Variants in CMSS1 observed in about 807,000 individuals in gnomAD.
CMSS1 encodes cms1 ribosomal small subunit homolog, also known as protein CMSS1.
CMSS1 carries 33 observed loss-of-function variants against 43.5 expected under a neutral mutation model. The observed-to-expected ratio is 0.76, with a 90% CI of 0.57 to 1.01. CMSS1 has a LOEUF of 1.01. Among genes scored for constraint, CMSS1 ranks in the 50% least tolerant of loss-of-function variants. The pLI is 0.00. For synonymous variants in CMSS1, 115 were observed against 117.2 expected, an observed-to-expected ratio of 0.98 and a Z score of 0.12; for missense variants, 313 against 326.4, an observed-to-expected ratio of 0.96 and a Z score of 0.32.
intron 1 of CMSS1, among the ~76,000 whole-genome samples, chr3:99,981,695 G>A (rs886616098): frequency 3.3e-5 from 5 of 152,160 alleles, no homozygotes; most frequent in African/African-American, 1.2e-4. Flanking sequence ...AAAAAAATTG[G>A]TTGGAATTAG....
At chr3:100,123,201 T>G (rs1221594205) in intron 1 of CMSS1, among the ~76,000 whole-genome samples, 2 of 152,152 alleles carry the variant, frequency 1.3e-5, no homozygotes, top group Non-Finnish European at 2.9e-5. Context: ...AGAGGAGACC[T>G]CTCTCTGAAG....
chr3:99,971,450 A>G (rs911755992), intron 1 of CMSS1, among the ~76,000 whole-genome samples: 4 of 152,198 alleles, frequency 2.6e-5, no homozygotes, highest in Non-Finnish European at 5.9e-5. Flanking sequence ...CATGTTGAAT[A>G]TGAGATGTCT....
chr3:99,826,625 G>A (rs1942541083), intron 1 of CMSS1, among the ~76,000 whole-genome samples: 1 of 152,202 alleles, frequency 6.6e-6, no homozygotes, highest in South Asian at 2.1e-4. Context: ...ATCGTGAATT[G>A]TATGTCACGT....
intron 1 of CMSS1, among the ~76,000 whole-genome samples, chr3:99,864,865 T>C (rs1285548376): frequency 6.6e-6 from 1 of 152,170 alleles, no homozygotes; most frequent in East Asian, 1.9e-4. Context: ...TTACTGTCTC[T>C]CCTACTAGAA....
chr3:100,009,398 T>A (rs892628579), intron 1 of CMSS1, among the ~76,000 whole-genome samples: 4 of 152,194 alleles, frequency 2.6e-5, no homozygotes, highest in Admixed American at 6.5e-5. Flanking sequence ...CAAGACTGTC[T>A]GCTCCTGTTA....
chr3:99,855,141 C>T (rs1943896927), intron 1 of CMSS1, among the ~76,000 whole-genome samples: 1 of 152,132 alleles, frequency 6.6e-6, no homozygotes, highest in South Asian at 2.1e-4. Context: ...TTGATTTATA[C>T]CCAGTCTGCA....
At chr3:100,057,909 C>T (rs2065492728) in intron 1 of CMSS1, among the ~76,000 whole-genome samples, 1 of 152,128 alleles carries the variant, frequency 6.6e-6, no homozygotes, top group South Asian at 2.1e-4. Flanking sequence ...TCCTGATGAC[C>T]TTTTACCCAA....
intron 1 of CMSS1, among the ~76,000 whole-genome samples, chr3:99,865,393 T>G (rs1329899532): frequency 6.6e-6 from 1 of 152,188 alleles, no homozygotes; most frequent in Admixed American, 6.5e-5. Flanking sequence ...CCAGTGAATT[T>G]GTGTGCTGTA....
chr3:99,834,211 G>A (rs1942802916), intron 1 of CMSS1, among the ~76,000 whole-genome samples: 1 of 152,152 alleles, frequency 6.6e-6, no homozygotes, highest in Admixed American at 6.5e-5. Flanking sequence ...GCTTTATACA[G>A]GAAAGGGTCT....
At chr3:99,904,522 C>G (rs532726208) in intron 1 of CMSS1, among the ~76,000 whole-genome samples, 2 of 152,234 alleles carry the variant, frequency 1.3e-5, no homozygotes, top group East Asian at 3.9e-4. Context: ...GGTCAAAGAG[C>G]CTTCCAAACA....
At chr3:100,005,002 C>T (rs754823288) in intron 1 of CMSS1, among the ~76,000 whole-genome samples, 1 of 152,150 alleles carries the variant, frequency 6.6e-6, no homozygotes, top group Non-Finnish European at 1.5e-5. Context: ...GAAATCAAGG[C>T]TGGCTCTACA....
chr3:99,864,827 G>A (rs1279974911), intron 1 of CMSS1, among the ~76,000 whole-genome samples: 2 of 151,950 alleles, frequency 1.3e-5, no homozygotes, highest in East Asian at 3.9e-4. Context: ...AGTACCATCT[G>A]GCATACTATA....
At chr3:99,907,437 C>T (rs1235828997) in intron 1 of CMSS1, among the ~76,000 whole-genome samples, 2 of 152,020 alleles carry the variant, frequency 1.3e-5, no homozygotes, top group African/African-American at 4.8e-5. Context: ...TTAGTAGAGA[C>T]AGGGTTTCAC....
intron 1 of CMSS1, among the ~76,000 whole-genome samples, chr3:99,966,632 A>C (rs1466737282): frequency 1.3e-5 from 2 of 152,200 alleles, no homozygotes; most frequent in Admixed American, 1.3e-4. Flanking sequence ...AGTTTGATTT[A>C]AGATGCCACA....
At chr3:99,965,153 G>A (rs1708611727) in intron 1 of CMSS1, among the ~76,000 whole-genome samples, 1 of 152,192 alleles carries the variant, frequency 6.6e-6, no homozygotes, top group Non-Finnish European at 1.5e-5. Context: ...AATCCTACTA[G>A]CCAAGCATAT....
intron 1 of CMSS1, among the ~76,000 whole-genome samples, chr3:99,943,578 C>G (rs944045381): frequency 6.6e-5 from 10 of 152,080 alleles, no homozygotes; most frequent in African/African-American, 2.4e-4. Context: ...GTGGCATGCG[C>G]CTGTAGTCCC....
intron 1 of CMSS1, chr3:99,930,761 C>G (rs986421114): frequency 1.9e-6 from 3 of 1,612,686 alleles, no homozygotes; most frequent in African/African-American, 2.7e-5. Context: ...AACTCCAACC[C>G]AGCTGACCTG....
At chr3:100,166,274 C>A in intron 4 of CMSS1, 61 bp from the exon 5 acceptor site, 1 of 1,082,546 alleles carries the variant, frequency 9.2e-7, no homozygotes, top group Non-Finnish European at 1.4e-6. Context: ...CACATATAAT[C>A]TGTTTTGATT....
At chr3:100,092,656 G>C (rs549408557) in intron 1 of CMSS1, among the ~76,000 whole-genome samples, 1 of 146,742 alleles carries the variant, frequency 6.8e-6, no homozygotes, top group Non-Finnish European at 1.5e-5. Flanking sequence ...CTGGTATCTA[G>C]TATGCACTGA....
Sources: allele counts gnomAD v4.1 joint callset (sites outside exome capture counted in the v4.1 genomes callset), GRCh38; gene constraint gnomAD v4.1.1; transcripts MANE v1.5; gene names NCBI Gene and HGNC (gene_info 2026-07-23, HGNC 2026-07-21).